Variants in CSNK2A2IP observed in about 807,000 individuals in gnomAD.
CSNK2A2IP encodes casein kinase II subunit alpha'-interacting protein.
the CSNK2A2IP span, among the ~76,000 whole-genome samples, chr3:88,406,536 A>G: frequency 7.2e-3 from 1,104 of 152,320 alleles, 9 homozygotes; most frequent in African/African-American, 0.025. Context: ...TCAACATTCA[A>G]TGATCAGATC....
At chr3:88,441,844 T>C in the CSNK2A2IP span, among the ~76,000 whole-genome samples, 8 of 151,662 alleles carry the variant, frequency 5.3e-5, no homozygotes, top group Admixed American at 4.6e-4. Context: ...TGAGTGTCTG[T>C]GTTTTACAGA....
At chr3:88,370,205 G>A in the CSNK2A2IP span, among the ~76,000 whole-genome samples, 1 of 151,892 alleles carries the variant, frequency 6.6e-6, no homozygotes, top group Non-Finnish European at 1.5e-5. Context: ...TATTTATTTG[G>A]AATGGGCATT....
chr3:88,457,665 T>C, the CSNK2A2IP span, among the ~76,000 whole-genome samples: 1 of 147,518 alleles, frequency 6.8e-6, no homozygotes, highest in African/African-American at 2.5e-5. Context: ...TATTGCACTC[T>C]AGCCTGGGTG....
At chr3:88,420,318 A>G in the CSNK2A2IP span, among the ~76,000 whole-genome samples, 1 of 152,238 alleles carries the variant, frequency 6.6e-6, no homozygotes, top group South Asian at 2.1e-4. Context: ...GCTTAATACT[A>G]TACCCATTTA....
chr3:88,460,857 G>A, the CSNK2A2IP span, among the ~76,000 whole-genome samples: 3 of 152,114 alleles, frequency 2.0e-5, no homozygotes, highest in African/African-American at 4.8e-5. Context: ...GGAGGCCAAG[G>A]CGGGTAGATC....
chr3:88,447,048 A>G, the CSNK2A2IP span, among the ~76,000 whole-genome samples: 1 of 152,204 alleles, frequency 6.6e-6, no homozygotes, highest in Admixed American at 6.5e-5. Context: ...TTTCTCAGGC[A>G]TGATGAATTA....
the CSNK2A2IP span, among the ~76,000 whole-genome samples, chr3:88,405,471 C>T: frequency 2.2e-4 from 33 of 152,130 alleles, no homozygotes; most frequent in Non-Finnish European, 3.8e-4. Flanking sequence ...CTCATGTTAA[C>T]TCTGCGTCTT....
the CSNK2A2IP span, among the ~76,000 whole-genome samples, chr3:88,365,008 C>T: frequency 6.6e-6 from 1 of 152,016 alleles, no homozygotes; most frequent in South Asian, 2.1e-4. Flanking sequence ...AATATAATTC[C>T]AATTTCTTTA....
chr3:88,420,177 G>A, the CSNK2A2IP span, among the ~76,000 whole-genome samples: 5 of 152,132 alleles, frequency 3.3e-5, no homozygotes, highest in African/African-American at 1.2e-4. Context: ...CAGCATAAAT[G>A]TAAATCTTAT....
At chr3:88,451,279 C>A in the CSNK2A2IP span, among the ~76,000 whole-genome samples, 2 of 151,938 alleles carry the variant, frequency 1.3e-5, no homozygotes, top group African/African-American at 4.8e-5. Context: ...ATTGCATGAT[C>A]TCAGTTATAT....
the CSNK2A2IP span, among the ~76,000 whole-genome samples, chr3:88,426,775 C>T: frequency 6.6e-6 from 1 of 151,230 alleles, no homozygotes; most frequent in Non-Finnish European, 1.5e-5. Context: ...CTCCCCAGTC[C>T]TATGGAACTG....
chr3:88,449,919 G>C, the CSNK2A2IP span, among the ~76,000 whole-genome samples: 16 of 136,550 alleles, frequency 1.2e-4, no homozygotes, highest in Non-Finnish European at 2.1e-4. Context: ...CCAGGCTGGA[G>C]TGCAGTGGTA....
the CSNK2A2IP span, among the ~76,000 whole-genome samples, chr3:88,458,491 T>A: frequency 6.6e-6 from 1 of 152,124 alleles, no homozygotes; most frequent in Non-Finnish European, 1.5e-5. Context: ...CCAAATGTTT[T>A]CAATTTTATT....
chr3:88,349,046 G>A, the CSNK2A2IP span, among the ~76,000 whole-genome samples: 6 of 151,708 alleles, frequency 4.0e-5, no homozygotes, highest in Non-Finnish European at 5.9e-5. Flanking sequence ...TTACTGCATC[G>A]ATTTTCCAAG....
the CSNK2A2IP span, among the ~76,000 whole-genome samples, chr3:88,457,383 A>G: frequency 6.6e-6 from 1 of 151,916 alleles, no homozygotes; most frequent in Admixed American, 6.6e-5. Flanking sequence ...TTTATAAGAA[A>G]TATTGATGCA....
At chr3:88,422,799 C>T in the CSNK2A2IP span, among the ~76,000 whole-genome samples, 1 of 152,108 alleles carries the variant, frequency 6.6e-6, no homozygotes, top group East Asian at 1.9e-4. Flanking sequence ...AATCCTACTC[C>T]CTTTAAAAAT....
the CSNK2A2IP span, among the ~76,000 whole-genome samples, chr3:88,458,141 G>GTTTTTTTTTGTGTTTTTTTTTTTTTTTT: frequency 1.2e-5 from 1 of 83,304 alleles, no homozygotes; most frequent in African/African-American, 5.4e-5. Context: ...TGTAATTGTG[G>GTTTTTTTTTGTGTTTTTTTTTTTTTTTT]TTTTTTTTTT....
the CSNK2A2IP span, among the ~76,000 whole-genome samples, chr3:88,360,959 AAAC>A: frequency 6.6e-6 from 1 of 152,214 alleles, no homozygotes; most frequent in African/African-American, 2.4e-5. Context: ...AACAACAAAA[AAAC>A]AAGCAAAGAG....
At chr3:88,352,796 C>A in the CSNK2A2IP span, among the ~76,000 whole-genome samples, 14 of 152,176 alleles carry the variant, frequency 9.2e-5, no homozygotes, top group East Asian at 1.9e-3. Context: ...GGGCAAACAA[C>A]CCTCTCAAGT....
Sources: allele counts gnomAD v4.1 joint callset (sites outside exome capture counted in the v4.1 genomes callset), GRCh38; gene constraint gnomAD v4.1.1; transcripts MANE v1.5; gene names NCBI Gene and HGNC (gene_info 2026-07-23, HGNC 2026-07-21).